The following MED23 variants were observed in gnomAD, a reference collection of about 807,000 sequenced individuals.
The protein encoded by MED23 is mediator complex subunit 23.
A neutral mutation model predicts 163.9 loss-of-function variants in MED23; 105 were observed. That is an observed-to-expected ratio of 0.64 (90% confidence interval 0.55 to 0.75). The LOEUF (loss-of-function observed/expected upper bound fraction) is 0.75, where lower values mean the gene tolerates loss of function less well. Among genes scored for constraint, MED23 ranks in the 30% least tolerant of loss-of-function variants. The pLI, the probability that MED23 is intolerant of heterozygous loss-of-function variation, is 0.00. For synonymous variants in MED23, 561 were observed against 565.6 expected (o/e 0.99, Z 0.12); for missense variants, 1,054 against 1,649.0 (o/e 0.64, Z 6.25).
At position 131,610,862 on chromosome 6, in the gene MED23, C is replaced by T. The variant is rs143273210; in HGVS notation, c.877-616G>A. 1.0e-3 allele frequency among the ~76,000 whole-genome samples: 159 copies of T among 152,284 alleles called. 2 individuals are homozygous for T. Among genetic ancestry groups the T allele is most frequent in the African/African-American group, 3.7e-3 (154 of 41,568 alleles). ...AGGAAAAAAAATTGATCTCTCTGCTCTTCCTTCTTGGAAGCCAAACATAAT... is the reference window on the plus strand; with the variant it reads ...AGGAAAAAAAATTGATCTCTCTGCTTTTCCTTCTTGGAAGCCAAACATAAT... On this transcript the variant is annotated intron_variant, in intron 10 of 28. Transcript: ENST00000368068.
downstream of MED23, chr6:131,583,269 T>C: frequency 5.6e-6 from 9 of 1,607,810 alleles, no homozygotes. Flanking sequence ...GGGTTGCTAC[T>C]TTTTATAAAA....
intron 1 of MED23, 104 bp downstream of exon 1, chr6:131,627,907 G>A: frequency 1.4e-6 from 2 of 1,425,438 alleles, no homozygotes; most frequent in Non-Finnish European, 2.0e-6. Context: ...GGAATAAAAA[G>A]GGAGGCGTGA....
intron 13 of MED23, 129 bp from the exon 14 acceptor site, chr6:131,605,614 G>T: frequency 1.1e-6 from 1 of 883,356 alleles, no homozygotes; most frequent in Non-Finnish European, 1.7e-6. Flanking sequence ...AGGTATTATA[G>T]TTTCTGTGTG....
Position 131,598,665 on chromosome 6 carries a change from C to T in MED23, c.2317G>A (p.Glu773Lys), listed in dbSNP as rs779666515. Reference protein sequence around the residue: ...EYRKWKSMSNENDIITHFSMQ... With the variant: ...EYRKWKSMSNKNDIITHFSMQ... ...GAGAAGTGGGTAATAATGTCGTTTTCGTTGCTCATTGACTTCCACTTCCTA... is the reference window on the plus strand; with the variant it reads ...GAGAAGTGGGTAATAATGTCGTTTTTGTTGCTCATTGACTTCCACTTCCTA... The change falls in exon 19 of 29, where the codon GAA becomes AAA. Residue 773 changes from glutamate to lysine, a missense_variant. Glu to Lys is a moderately conservative substitution (Grantham distance 56, BLOSUM62 1). Coordinates refer to ENST00000368068, the MANE Select transcript of MED23 (RefSeq NM_004830.4). The surrounding 1 kb of genome is among the most constrained non-coding windows in gnomAD (Gnocchi z 4.7). 4.3e-6 allele frequency: 7 copies of T among 1,613,910 alleles called. No individual in the cohort carries two copies. The African/African-American group carries it at 6.7e-5, about 15-fold the overall frequency.
chr6:131,577,572 T>C (rs1773680197), intron 30 of MED23, among the ~76,000 whole-genome samples: 1 of 151,772 alleles, frequency 6.6e-6, no homozygotes, highest in South Asian at 2.1e-4. Context: ...ACAAAAAGTG[T>C]CACATCCATG....
chr6:131,623,202 C>T (rs1585571910), intron 5 of MED23, 149 bp downstream of exon 5: 1 of 726,246 alleles, frequency 1.4e-6, no homozygotes, highest in East Asian at 2.7e-5. Flanking sequence ...AACTGAGTAA[C>T]TTTAAATCTT....
Position 131,591,293 on chromosome 6 carries a change from T to C in MED23, c.3686+20A>G. 6.3e-7 allele frequency: 1 copy of C among 1,584,864 alleles called. No homozygotes were observed. The highest frequency in any genetic ancestry group is 1.3e-5 in the African/African-American group (1 of 74,360). On this transcript the variant is annotated intron_variant, in intron 26 of 28. Coordinates refer to ENST00000368068, the MANE Select transcript of MED23 (RefSeq NM_004830.4). ...GCACCCAGCCTACGTCAAATTTCTT[T>C]AAGAAATTATTATACTTACTTTGGA...
chr6:131,605,786 C>A (rs1775811405), intron 13 of MED23, among the ~76,000 whole-genome samples: 1 of 152,138 alleles, frequency 6.6e-6, no homozygotes, highest in Non-Finnish European at 1.5e-5. Flanking sequence ...AGTCTATGAA[C>A]CAGGTTTCTA....
Position 131,627,676 on chromosome 6 carries a change from T to TAAAAAAAAAAAA in MED23, c.40-16_40-5dup. 6.9e-7 allele frequency: 1 copy of TAAAAAAAAAAAA among 1,458,976 alleles called. No individual in the cohort carries two copies. Among genetic ancestry groups the TAAAAAAAAAAAA allele is most frequent in the Non-Finnish European group, 9.4e-7 (1 of 1,069,280 alleles). 90.4% of individuals were successfully genotyped at this position (1,458,976 alleles called of 1,614,324 possible). A position where few individuals can be genotyped will look rare whatever the true frequency, so the allele number is the denominator to read the frequency against. ...CCTCTTCTATAACTTCCGTTTTCTG[T>TAAAAAAAAAAAA]AAAAAAAAAAAAAACAAAATGTAAA... On this transcript the variant is annotated splice_region_variant and splice_polypyrimidine_tract_variant and intron_variant, in intron 1 of 28. Transcript: ENST00000368068.
rs201191272 is a variant in MED23, at chr6:131,624,847, C to T, written c.284+18G>A. 6 of 1,613,424 alleles carry T rather than the reference C, an allele frequency of 3.7e-6. No individual in the cohort carries two copies. The highest frequency in any genetic ancestry group is 5.1e-6 in the Non-Finnish European group (6 of 1,179,766). On this transcript the variant is annotated intron_variant, in intron 4 of 28. Transcript: ENST00000368068. ...AGAAAAGAAAATTCTTCAGATTGCT[C>T]ATACCCATTAAACGTACCTGGGTGG...
chr6:131,576,547 A>C, intron 30 of MED23: 5 of 954,086 alleles, frequency 5.2e-6, no homozygotes, highest in African/African-American at 1.6e-5. Context: ...CTGGCTCTGT[A>C]GGAGCTCAAA....
chr6:131,610,224 A>C lies in MED23; in HGVS notation c.899T>G (p.Leu300Arg), dbSNP rs1307231377. 3.7e-6 allele frequency: 6 copies of C among 1,613,834 alleles called. No individual in the cohort carries two copies. Among genetic ancestry groups the C allele is most frequent in the Non-Finnish European group, 5.1e-6 (6 of 1,179,904 alleles). The change falls in exon 11 of 29, where the codon CTG becomes CGG. Residue 300 changes from leucine to arginine, a missense_variant. Physicochemically the swap from Leu to Arg is moderately radical, Grantham distance 102. This residue lies in a region of MED23 where 26 missense variants were observed against 28.4 expected (regional missense o/e 0.92). Coordinates refer to ENST00000368068, the MANE Select transcript of MED23 (RefSeq NM_004830.4). The part of the protein sequence containing the change: ...NKQHKQRCPV[L>R]EDQLVDLVVY... Reference sequence around the variant, plus strand: ...AACCAGATCCACCAACTGGTCCTCCAGCACAGGGCAGCGCTGCTTGTGCTG... The same window carrying C: ...AACCAGATCCACCAACTGGTCCTCCCGCACAGGGCAGCGCTGCTTGTGCTG...
At chr6:131,592,131 AG>A (rs1774688915) in intron 25 of MED23, 2 of 510,466 alleles carry the variant, frequency 3.9e-6, no homozygotes, top group African/African-American at 3.9e-5. Context: ...AAAGTTGGAT[AG>A]GTAAGGTGGT....
At chr6:131,583,433 CGTG>C, downstream of MED23, 1 of 1,614,078 alleles carries the variant, frequency 6.2e-7, no homozygotes, top group Non-Finnish European at 8.5e-7. Flanking sequence ...GCACACCAGT[CGTG>C]GGAGGTCTGA....
downstream of MED23, chr6:131,583,817 T>A (rs1585430178): frequency 6.2e-7 from 1 of 1,614,126 alleles, no homozygotes; most frequent in African/African-American, 1.3e-5. Flanking sequence ...ACTCGAACAG[T>A]GAACACAGCA....
chr6:131,605,977 C>T lies in MED23; in HGVS notation c.1368-492G>A, dbSNP rs534736948. 2.2e-4 allele frequency among the ~76,000 whole-genome samples: 33 copies of T among 152,258 alleles called. No individual in the cohort carries two copies. In the South Asian group the frequency reaches 6.6e-3, roughly 31 times the overall value. On this transcript the variant is annotated intron_variant, in intron 13 of 28. Coordinates refer to ENST00000368068, the MANE Select transcript of MED23 (RefSeq NM_004830.4). ...AAGTTCTAGGTGGGAAGTTAGGCTA[C>T]TCCTAGCACCCTTGACTACAATACA...
In MED23 at chr6:131,600,089, A is replaced by C; in HGVS notation, c.2169T>G (p.Thr723=). 3 of 1,613,754 alleles carry C rather than the reference A, an allele frequency of 1.9e-6. No homozygotes were observed. Among genetic ancestry groups the C allele is most frequent in the South Asian group, 2.2e-5 (2 of 91,078 alleles). Residue 723 remains threonine (T), a synonymous_variant, in exon 18 of 29, where the codon ACT becomes ACG. Transcript: ENST00000368068. ...KDILQTIMSF[T]PHNWASHTLS... Reference sequence around the variant, plus strand: ...GGGTGTGTGAAGCCCAATTATGAGGAGTGAAACTCATGATGGTCTGAAGTA... The same window carrying C: ...GGGTGTGTGAAGCCCAATTATGAGGCGTGAAACTCATGATGGTCTGAAGTA...
At chr6:131,606,653 C>T (rs886377065) in intron 12 of MED23, 29 bp from the exon 13 acceptor site, 4 of 1,538,746 alleles carry the variant, frequency 2.6e-6, no homozygotes, top group Admixed American at 1.7e-5. Context: ...AAAAATAACA[C>T]AATAGAAGAA....
intron 4 of MED23, 33 bp from the exon 5 acceptor site, chr6:131,623,495 A>T: frequency 6.3e-7 from 1 of 1,584,212 alleles, no homozygotes; most frequent in Non-Finnish European, 8.7e-7. Flanking sequence ...TCCAGTTACA[A>T]GACAGAATTT....
Sources: gnomAD v4.1 joint callset for allele counts (sites outside exome capture counted in the v4.1 genomes callset) on GRCh38, gnomAD v4.1.1 for gene constraint, gnomAD v4.1.1 regional missense constraint, Gnocchi (gnomAD v3.1) non-coding constraint, MANE v1.5 for transcripts, NCBI Gene and HGNC (gene_info 2026-07-23, HGNC 2026-07-21) for gene names.